SRGAP2: variants seen among roughly 807,000 people sequenced by gnomAD.
SRGAP2 encodes the protein SLIT-ROBO Rho GTPase-activating protein 2.
A neutral mutation model predicts 57.2 loss-of-function variants in SRGAP2; 15 were observed. The ratio of observed to expected loss-of-function variants is 0.26; its 90% CI spans 0.18 to 0.40. The LOEUF (loss-of-function observed/expected upper bound fraction) is 0.40, where lower values mean the gene tolerates loss of function less well. Ranked by LOEUF, SRGAP2 falls within the 10% of genes least tolerant of loss-of-function variation. The pLI, the probability that SRGAP2 is intolerant of heterozygous loss-of-function variation, is 1.00. For missense variants in SRGAP2, 520 were observed against 669.6 expected (o/e 0.78, Z 2.47); for synonymous variants, 249 against 248.0 (o/e 1.00, Z -0.04).
intron 10 of SRGAP2, among the ~76,000 whole-genome samples, chr1:206,409,529 C>T (rs1658992242): frequency 6.6e-6 from 1 of 152,096 alleles, no homozygotes; most frequent in South Asian, 2.1e-4. Flanking sequence ...TGCCTGTAAT[C>T]CCAGCGCTGT....
chr1:206,430,452 G>T (rs1661192492), intron 14 of SRGAP2, among the ~76,000 whole-genome samples: 1 of 152,178 alleles, frequency 6.6e-6, no homozygotes, highest in African/African-American at 2.4e-5. Context: ...TTATCACGCA[G>T]CATTTTTTTA....
chr1:206,203,765 GC>G (rs1553299994), intron 1 of SRGAP2, 115 bp downstream of exon 1: 1 of 1,486,722 alleles, frequency 6.7e-7, no homozygotes, highest in African/African-American at 1.4e-5. Context: ...TCGCGGCATC[GC>G]CTTAGCGGTG....
At chr1:206,257,926 A>G (rs1196359867) in intron 2 of SRGAP2, among the ~76,000 whole-genome samples, 4 of 150,692 alleles carry the variant, frequency 2.7e-5, no homozygotes, top group African/African-American at 9.7e-5. Flanking sequence ...TGAGGCAGCT[A>G]TGAGAAGACC....
intron 10 of SRGAP2, among the ~76,000 whole-genome samples, chr1:206,409,759 GT>G (rs1659028599): frequency 6.6e-6 from 1 of 150,496 alleles, no homozygotes. Flanking sequence ...TCCAGCCTGG[GT>G]GACAGAGTAA....
chr1:206,359,868 G>A (rs1336368025), intron 4 of SRGAP2, among the ~76,000 whole-genome samples: 8 of 138,200 alleles, frequency 5.8e-5, no homozygotes, highest in African/African-American at 2.2e-4. Context: ...GTGCAGTGGC[G>A]GGATCTCGGC....
chr1:206,419,501 G>A (rs1553363559), intron 12 of SRGAP2, 101 bp downstream of exon 12: 3 of 760,822 alleles, frequency 3.9e-6, no homozygotes, highest in Non-Finnish European at 7.3e-6. Flanking sequence ...TAAAGGCATT[G>A]AATGACTTTA....
intron 13 of SRGAP2, among the ~76,000 whole-genome samples, chr1:206,425,846 CTTT>C (rs34299579): frequency 3.7e-5 from 5 of 134,332 alleles, no homozygotes; most frequent in African/African-American, 5.5e-5. Context: ...AACCTCACTT[CTTT>C]TTTTTTTTTT....
intron 1 of SRGAP2, chr1:206,204,869 A>G (rs1193652093): frequency 7.8e-6 from 1 of 128,696 alleles, no homozygotes; most frequent in African/African-American, 3.5e-5. Context: ...GTTTTCCTGG[A>G]TGTGTCCCGT....
At chr1:206,273,646 C>T (rs1424629131) in intron 2 of SRGAP2, among the ~76,000 whole-genome samples, 1 of 149,858 alleles carries the variant, frequency 6.7e-6, no homozygotes, top group Non-Finnish European at 1.5e-5. Context: ...GATATCACTT[C>T]AGTTTCAGAC....
chr1:206,454,634 C>A lies in SRGAP2; in HGVS notation c.2361-244C>A. 1 of 488,488 alleles carries A rather than the reference C, an allele frequency of 2.0e-6. No homozygotes were observed. The highest frequency in any genetic ancestry group is 3.0e-5 in the South Asian group (1 of 33,512). The allele number at this position is 488,488 out of a possible 1,614,324, so 30.3% of individuals were successfully genotyped here. ...CGAATCCAGGTGTCCCCTAGCCACG[C>A]TTTCCTGAGGAGCTGAGGAGCCCGC... is the stretch of plus-strand genomic sequence containing the variant. On this transcript the variant is annotated intron_variant, in intron 20 of 22. Coordinates refer to ENST00000573034, the MANE Select transcript of SRGAP2 (RefSeq NM_015326.5). This position sits in a 1 kb window ranked among gnomAD's most constrained non-coding sequence, Gnocchi z 4.3.
At chr1:206,450,032 AC>A (rs1663129104) in intron 18 of SRGAP2, among the ~76,000 whole-genome samples, 1 of 152,038 alleles carries the variant, frequency 6.6e-6, no homozygotes, top group Non-Finnish European at 1.5e-5. Flanking sequence ...TTTCCCTTCC[AC>A]CCTGCTTCCC....
intron 10 of SRGAP2, among the ~76,000 whole-genome samples, chr1:206,415,364 C>A (rs12062051): frequency 0.025 from 3,835 of 152,278 alleles, 80 homozygotes; most frequent in African/African-American, 0.058. Context: ...CATAAAGACT[C>A]CATGCAGAAT....
chr1:206,416,585 T>C (rs1200388017), intron 11 of SRGAP2, among the ~76,000 whole-genome samples: 9 of 152,192 alleles, frequency 5.9e-5, no homozygotes, highest in African/African-American at 2.2e-4. Flanking sequence ...CCCTGGAAAG[T>C]AGCAAGGCAG....
At chr1:206,375,031 C>A (rs1482497806) in intron 4 of SRGAP2, among the ~76,000 whole-genome samples, 1 of 97,852 alleles carries the variant, frequency 1.0e-5, no homozygotes, top group Non-Finnish European at 2.0e-5. Context: ...TCTATTAACT[C>A]CTGTTCTTCC....
At chr1:206,456,738 C>T (rs1487544781) in intron 21 of SRGAP2, among the ~76,000 whole-genome samples, 1 of 152,112 alleles carries the variant, frequency 6.6e-6, no homozygotes, top group Non-Finnish European at 1.5e-5. Flanking sequence ...GGTGGGTGAG[C>T]GGTGGCCCCG....
chr1:206,369,742 A>G (rs1424659699), intron 4 of SRGAP2, among the ~76,000 whole-genome samples: 1 of 152,020 alleles, frequency 6.6e-6, no homozygotes, highest in Non-Finnish European at 1.5e-5. Flanking sequence ...AAAGGAAGAA[A>G]GAAAAGGAAA....
At chr1:206,338,121 C>G (rs1408938144) in intron 3 of SRGAP2, among the ~76,000 whole-genome samples, 3 of 117,676 alleles carry the variant, frequency 2.5e-5, no homozygotes, top group Non-Finnish European at 3.4e-5. Flanking sequence ...CATTCCCTCT[C>G]AAGTACAGTA....
At chr1:206,418,904 G>C (rs953885683) in intron 11 of SRGAP2, among the ~76,000 whole-genome samples, 2,810 of 151,078 alleles carry the variant, frequency 0.019, 89 homozygotes, top group African/African-American at 0.064. Context: ...GTGTGTGTGT[G>C]TGTGTGTGTG....
intron 2 of SRGAP2, among the ~76,000 whole-genome samples, chr1:206,259,513 T>TTTTTGTAAAAATTTATA (rs1553313109): frequency 1.3e-5 from 2 of 151,652 alleles, no homozygotes; most frequent in Admixed American, 6.6e-5. Flanking sequence ...ATTTTTTTAT[T>TTTTTGTAAAAATTTATA]TTTTGTAGAG....
Sources: gnomAD v4.1 joint callset for allele counts (sites outside exome capture counted in the v4.1 genomes callset) on GRCh38, gnomAD v4.1.1 for gene constraint, Gnocchi (gnomAD v3.1) non-coding constraint, MANE v1.5 for transcripts, NCBI Gene and HGNC (gene_info 2026-07-23, HGNC 2026-07-21) for gene names.